Variants in CTNNA3 observed in about 807,000 individuals in gnomAD.
The protein encoded by CTNNA3 is catenin alpha-3.
CTNNA3 carries 76 observed loss-of-function variants against 95.7 expected under a neutral mutation model. That is an observed-to-expected ratio of 0.79 (90% CI 0.66 to 0.96). The LOEUF is 0.96. Among genes scored for constraint, CTNNA3 ranks in the 40% least tolerant of loss-of-function variants. The pLI is 0.00. For synonymous variants in CTNNA3, 431 were observed against 374.4 expected (o/e 1.15, Z -1.74); for missense variants, 1,191 against 1,089.8 (o/e 1.09, Z -1.31).
intron 7 of CTNNA3, among the ~76,000 whole-genome samples, chr10:66,995,250 A>T (rs1851265412): frequency 6.6e-6 from 1 of 152,124 alleles, no homozygotes; most frequent in Non-Finnish European, 1.5e-5. Context: ...CTATGACAGA[A>T]CCTTGGGTGT....
At chr10:67,756,221 C>T (rs1841432501) in intron 1 of CTNNA3, among the ~76,000 whole-genome samples, 2 of 151,976 alleles carry the variant, frequency 1.3e-5, no homozygotes, top group South Asian at 4.2e-4. Flanking sequence ...TACACCTATT[C>T]AATAGTTTAA....
intron 7 of CTNNA3, among the ~76,000 whole-genome samples, chr10:67,101,121 T>C (rs1051218277): frequency 6.6e-5 from 10 of 151,790 alleles, no homozygotes; most frequent in African/African-American, 2.4e-4. Flanking sequence ...TTTCTTAACA[T>C]ACAAGTTCGT....
chr10:67,146,159 G>T (rs988435822), intron 7 of CTNNA3, among the ~76,000 whole-genome samples: 3 of 152,126 alleles, frequency 2.0e-5, no homozygotes, highest in Non-Finnish European at 2.9e-5. Context: ...ATGTTGAAAT[G>T]ACTTGGCTCA....
chr10:67,039,751 T>C (rs1248892385), intron 7 of CTNNA3, among the ~76,000 whole-genome samples: 1 of 152,128 alleles, frequency 6.6e-6, no homozygotes, highest in Admixed American at 6.5e-5. Flanking sequence ...AACAAGCAAG[T>C]AGATTGTTTA....
intron 7 of CTNNA3, among the ~76,000 whole-genome samples, chr10:67,062,768 T>C (rs1213314100): frequency 6.6e-6 from 1 of 152,152 alleles, no homozygotes; most frequent in Non-Finnish European, 1.5e-5. Flanking sequence ...TTGATTCTGC[T>C]AATGAGGTAC....
rs566034207 is a variant in CTNNA3, at chr10:66,720,759, G to A, written c.1281+45505C>T. Among the ~76,000 whole-genome samples, 12 of 152,148 alleles carry A rather than the reference G, an allele frequency of 7.9e-5. 1 individual carries two copies. Among genetic ancestry groups the A allele is most frequent in the East Asian group, 1.9e-4 (1 of 5,162 alleles). On this transcript the variant is annotated intron_variant, in intron 9 of 17. Transcript: ENST00000433211. ...TGAGGCAGGAGAATTGCTTGAACTC[G>A]GAGGCAGAGGTTGCAGTGAGCCGAG...
chr10:67,739,761 C>G (rs1004884821), intron 1 of CTNNA3, among the ~76,000 whole-genome samples: 5 of 152,112 alleles, frequency 3.3e-5, no homozygotes, highest in African/African-American at 1.2e-4. Flanking sequence ...CAATGCCATC[C>G]CCATCAAGCT....
chr10:67,435,578 G>A (rs7911901), intron 5 of CTNNA3, among the ~76,000 whole-genome samples: 133,945 of 151,940 alleles, frequency 0.88, 60,275 homozygotes, highest in East Asian at 1. Context: ...TGAAAACCCT[G>A]AAGATTCCTC....
chr10:66,547,439 T>C (rs1842074138), intron 10 of CTNNA3, among the ~76,000 whole-genome samples: 1 of 139,716 alleles, frequency 7.2e-6, no homozygotes, highest in Admixed American at 8.1e-5. Flanking sequence ...ACCTCCCGGG[T>C]TGATGCCATT....
chr10:67,153,850 C>A (rs1316283228), intron 7 of CTNNA3, among the ~76,000 whole-genome samples: 1 of 151,780 alleles, frequency 6.6e-6, no homozygotes, highest in Non-Finnish European at 1.5e-5. Flanking sequence ...CATAGGTACA[C>A]TATTTAAAAA....
At chr10:66,032,129 G>A (rs1308126851) in intron 15 of CTNNA3, among the ~76,000 whole-genome samples, 3 of 152,148 alleles carry the variant, frequency 2.0e-5, no homozygotes, top group Non-Finnish European at 2.9e-5. Flanking sequence ...GAAGGTGTGA[G>A]TGGGAGAGGA....
intron 11 of CTNNA3, among the ~76,000 whole-genome samples, chr10:66,392,351 AC>A (rs2092940545): frequency 6.6e-6 from 1 of 151,860 alleles, no homozygotes; most frequent in African/African-American, 2.4e-5. Flanking sequence ...AATTGCTTGA[AC>A]CTGGGAGGTG....
intron 2 of CTNNA3, among the ~76,000 whole-genome samples, chr10:67,610,273 T>C (rs1461425327): frequency 6.6e-6 from 1 of 152,186 alleles, no homozygotes; most frequent in Non-Finnish European, 1.5e-5. Context: ...TTATAATAAA[T>C]GCCAGAGAAG....
chr10:66,571,534 A>G (rs1314548460), intron 10 of CTNNA3, among the ~76,000 whole-genome samples: 2 of 152,214 alleles, frequency 1.3e-5, no homozygotes, highest in South Asian at 2.1e-4. Context: ...CCTCTGACTC[A>G]TAACTAAGCC....
chr10:66,538,022 T>C (rs979519356), intron 10 of CTNNA3, among the ~76,000 whole-genome samples: 3 of 152,150 alleles, frequency 2.0e-5, no homozygotes, highest in Non-Finnish European at 2.9e-5. Flanking sequence ...TTCCCTATCA[T>C]GAAGTAGTAA....
intron 16 of CTNNA3, among the ~76,000 whole-genome samples, chr10:65,984,722 C>T (rs2078391130): frequency 6.6e-6 from 1 of 151,252 alleles, no homozygotes; most frequent in Admixed American, 6.6e-5. Flanking sequence ...ATTATGTCAA[C>T]TTTGAAAACT....
intron 16 of CTNNA3, among the ~76,000 whole-genome samples, chr10:65,980,077 A>G (rs190555871): frequency 2.1e-3 from 325 of 152,184 alleles, no homozygotes; most frequent in Non-Finnish European, 3.3e-3. Context: ...ATAGATCATT[A>G]GTGAGATTAA....
intron 13 of CTNNA3, among the ~76,000 whole-genome samples, chr10:66,269,507 T>G (rs539407252): frequency 3.4e-4 from 52 of 152,232 alleles, no homozygotes; most frequent in Non-Finnish European, 5.4e-4. Flanking sequence ...TACAGCCATT[T>G]TTAAGGTTAC....
At chr10:67,236,376 T>C (rs1865457328) in intron 5 of CTNNA3, among the ~76,000 whole-genome samples, 1 of 151,034 alleles carries the variant, frequency 6.6e-6, no homozygotes, top group Non-Finnish European at 1.5e-5. Context: ...ATGGATGAAA[T>C]TGGAAATCAT....
Sources: allele counts gnomAD v4.1 joint callset (sites outside exome capture counted in the v4.1 genomes callset), GRCh38; gene constraint gnomAD v4.1.1; transcripts MANE v1.5; gene names NCBI Gene and HGNC (gene_info 2026-07-23, HGNC 2026-07-21).